PCDH15: variants seen among roughly 807,000 people sequenced by gnomAD.
The protein encoded by PCDH15 is protocadherin related 15.
PCDH15 carries 129 observed loss-of-function variants against 178.5 expected under a neutral mutation model. The observed-to-expected ratio is 0.72, with a 90% CI of 0.63 to 0.84. PCDH15 has a LOEUF of 0.84. Among genes scored for constraint, PCDH15 ranks in the 40% least tolerant of loss-of-function variants. The pLI is 0.00. For synonymous variants in PCDH15, 800 were observed against 732.0 expected (o/e 1.09, Z -1.50); for missense variants, 2,230 against 2,099.9 (o/e 1.06, Z -1.21).
rs542702444 is a variant in PCDH15, at chr10:53,913,602, G to T, written c.3374-10232C>A. 9.3e-5 allele frequency among the ~76,000 whole-genome samples: 14 copies of T among 151,062 alleles called. No homozygotes were observed. The South Asian group carries it at 1.3e-3, about 14-fold the overall frequency. ...ACAAAAAAAAAAAAAAAATTAGCTG[G>T]GCATTGTGGTGGGCGTCTGTATTCC... On this transcript the variant is annotated intron_variant, in intron 25 of 37. Transcript: ENST00000644397.
chr10:54,257,403 C>CTTT (rs71461225), intron 8 of PCDH15, among the ~76,000 whole-genome samples: 26,854 of 125,712 alleles, frequency 0.21, 3,494 homozygotes, highest in African/African-American at 0.28. Flanking sequence ...GAATTGTCTT[C>CTTT]TTTTTTTTTT....
At chr10:54,329,254 G>C (rs987697773) in intron 7 of PCDH15, among the ~76,000 whole-genome samples, 2 of 151,814 alleles carry the variant, frequency 1.3e-5, no homozygotes, top group African/African-American at 4.8e-5. Flanking sequence ...GAACATCTGA[G>C]GTAGGGTCCA....
chr10:54,342,738 A>C (rs966231919), intron 6 of PCDH15, among the ~76,000 whole-genome samples: 3 of 152,234 alleles, frequency 2.0e-5, no homozygotes, highest in African/African-American at 7.2e-5. Context: ...AGTACCCTGC[A>C]GAGCCACAGG....
intron 13 of PCDH15, among the ~76,000 whole-genome samples, chr10:54,169,885 T>C (rs1184904242): frequency 6.6e-6 from 1 of 151,490 alleles, no homozygotes; most frequent in East Asian, 1.9e-4. Context: ...TACAAGTTAG[T>C]TCAGAATCTG....
At chr10:54,812,673 G>T (rs1952883787) in intron 3 of PCDH15, among the ~76,000 whole-genome samples, 1 of 151,844 alleles carries the variant, frequency 6.6e-6, no homozygotes, top group African/African-American at 2.4e-5. Context: ...TGGCCAGGAT[G>T]ATGTCGATCT....
At chr10:54,608,088 T>C (rs2092824898) in intron 2 of PCDH15, 3 of 402,428 alleles carry the variant, frequency 7.5e-6, no homozygotes, top group South Asian at 1.8e-5. Context: ...GTAAAAGTGA[T>C]AGAGCCAAAA....
chr10:54,505,221 T>C (rs1589761939), intron 3 of PCDH15, among the ~76,000 whole-genome samples: 1 of 152,096 alleles, frequency 6.6e-6, no homozygotes, highest in South Asian at 2.1e-4. Flanking sequence ...GTCATATGCC[T>C]CTTATCAAAG....
rs576492439 is a variant in PCDH15 at position 54,965,865 on chromosome 10, CAT to C, written c.-79-68367_-79-68366del. Among the ~76,000 whole-genome samples the C allele has an allele frequency of 3.5e-3, 525 of 150,918 alleles. 3 individuals are homozygous for C. Among genetic ancestry groups the C allele is most frequent in the Non-Finnish European group, 6.0e-3 (406 of 67,710 alleles). ...AACAATACCAAAATCATTAATATCA[CAT>C]AGATACCCACACACTCATATATATG... On this transcript the variant is annotated intron_variant, in intron 2 of 5. Transcript: ENST00000458638.
intron 3 of PCDH15, among the ~76,000 whole-genome samples, chr10:54,451,962 T>G (rs999808883): frequency 6.6e-6 from 1 of 152,008 alleles, no homozygotes; most frequent in African/African-American, 2.4e-5. Flanking sequence ...CCTTACTTCC[T>G]TCAAGTAATT....
chr10:53,968,601 C>G (rs992865121), intron 21 of PCDH15, among the ~76,000 whole-genome samples: 1 of 152,186 alleles, frequency 6.6e-6, no homozygotes, highest in Non-Finnish European at 1.5e-5. Context: ...AGACACATCC[C>G]AGTAGAGGCC....
intron 3 of PCDH15, among the ~76,000 whole-genome samples, chr10:54,413,019 C>T (rs1246647734): frequency 6.6e-6 from 1 of 152,196 alleles, no homozygotes; most frequent in Non-Finnish European, 1.5e-5. Flanking sequence ...TGGCCATGGC[C>T]TACCTACTTG....
At chr10:55,243,509 T>C (rs2132215028) in intron 1 of PCDH15, among the ~76,000 whole-genome samples, 1 of 152,316 alleles carries the variant, frequency 6.6e-6, no homozygotes, top group South Asian at 2.1e-4. Context: ...GTTCAATTTC[T>C]TTACTTTTCC....
intron 28 of PCDH15, among the ~76,000 whole-genome samples, chr10:53,856,163 G>A (rs898328393): frequency 1.3e-5 from 2 of 151,298 alleles, no homozygotes; most frequent in Non-Finnish European, 2.9e-5. Context: ...AAGACTGTAC[G>A]TTGGGTACAG....
intron 5 of PCDH15, among the ~76,000 whole-genome samples, chr10:54,362,197 T>G (rs1175303721): frequency 3.9e-5 from 6 of 152,040 alleles, no homozygotes. Context: ...TCATTCAAAG[T>G]CAGGAGGTAT....
intron 2 of PCDH15, among the ~76,000 whole-genome samples, chr10:54,949,277 T>C (rs1465887960): frequency 6.6e-6 from 1 of 151,734 alleles, no homozygotes; most frequent in African/African-American, 2.4e-5. Context: ...ATGGTAGAAA[T>C]CAAAGGGCAA....
intron 14 of PCDH15, among the ~76,000 whole-genome samples, chr10:54,145,874 G>A (rs1220244162): frequency 6.6e-6 from 1 of 152,002 alleles, no homozygotes; most frequent in East Asian, 1.9e-4. Context: ...GTCATTCACA[G>A]TTCTTTAACA....
chr10:55,041,682 C>T (rs1308863398), intron 2 of PCDH15, among the ~76,000 whole-genome samples: 4 of 152,062 alleles, frequency 2.6e-5, no homozygotes, highest in Non-Finnish European at 5.9e-5. Flanking sequence ...TTAAATAAAA[C>T]TATTTTGTCT....
At chr10:55,114,027 C>T (rs1837572435) in intron 2 of PCDH15, among the ~76,000 whole-genome samples, 1 of 152,186 alleles carries the variant, frequency 6.6e-6, no homozygotes, top group Non-Finnish European at 1.5e-5. Flanking sequence ...CGGCTCACTG[C>T]AAGCTCTGCC....
At chr10:55,176,999 A>C (rs993387374) in intron 1 of PCDH15, among the ~76,000 whole-genome samples, 2 of 152,152 alleles carry the variant, frequency 1.3e-5, no homozygotes, top group African/African-American at 4.8e-5. Context: ...CAACTGAGGA[A>C]ATCTCTCAGG....
Sources: gnomAD v4.1 joint callset for allele counts (sites outside exome capture counted in the v4.1 genomes callset) on GRCh38, gnomAD v4.1.1 for gene constraint, MANE v1.5 for transcripts, NCBI Gene and HGNC (gene_info 2026-07-23, HGNC 2026-07-21) for gene names.